FHIT: variants seen among roughly 807,000 people sequenced by gnomAD.
FHIT encodes bis(5'-adenosyl)-triphosphatase.
A neutral mutation model predicts 17.9 loss-of-function variants in FHIT; 19 were observed. The observed-to-expected ratio is 1.06, with a 90% CI of 0.74 to 1.56. The LOEUF is 1.56. Among genes scored for constraint, FHIT ranks in the 40% most tolerant of loss-of-function variants. FHIT has a pLI of 0.00. For missense variants in FHIT, 248 were observed against 189.2 expected (o/e 1.31, Z -1.82); for synonymous variants, 81 against 69.7 (o/e 1.16, Z -0.81).
At position 60,445,821 on chromosome 3, in the gene FHIT, G is replaced by C. The variant is rs188592393; in HGVS notation, c.103+91039C>G. ...AAAAAATCATCCATTTCTGTTTATA[G>C]CAAGACTCCCTGTTATCCCTCTACT... On this transcript the variant is annotated intron_variant, in intron 5 of 9. Transcript: ENST00000492590. 2.4e-3 allele frequency among the ~76,000 whole-genome samples: 369 copies of C among 151,234 alleles called. 2 individuals are homozygous for C. Among genetic ancestry groups the C allele is most frequent in the African/African-American group, 8.5e-3 (350 of 41,152 alleles).
intron 2 of FHIT, among the ~76,000 whole-genome samples, chr3:61,067,878 C>A (rs536832435): frequency 9.7e-4 from 147 of 152,272 alleles, no homozygotes; most frequent in African/African-American, 3.3e-3. Flanking sequence ...TGGCCATAAC[C>A]ACCTGCAACA....
At chr3:60,626,421 A>G (rs2039287667) in intron 4 of FHIT, among the ~76,000 whole-genome samples, 1 of 152,062 alleles carries the variant, frequency 6.6e-6, no homozygotes, top group Admixed American at 6.5e-5. Context: ...CAGAGTTTAT[A>G]TTTTTTGTTG....
intron 8 of FHIT, among the ~76,000 whole-genome samples, chr3:59,890,456 G>C (rs932496770): frequency 2.2e-4 from 33 of 152,304 alleles, no homozygotes; most frequent in African/African-American, 6.5e-4. Flanking sequence ...TCAAGGAAAG[G>C]CTGGGTTTAG....
chr3:60,911,664 G>C (rs1706753216), intron 3 of FHIT, among the ~76,000 whole-genome samples: 1 of 152,154 alleles, frequency 6.6e-6, no homozygotes, highest in Non-Finnish European at 1.5e-5. Context: ...AGCAAGTGAA[G>C]AGATGTCCTG....
chr3:60,786,939 G>A (rs755968163), intron 4 of FHIT, among the ~76,000 whole-genome samples: 3 of 150,428 alleles, frequency 2.0e-5, no homozygotes, highest in Admixed American at 6.6e-5. Context: ...AGAAGAAAGG[G>A]AGGAAGGCAA....
rs2036145161 is a variant in FHIT, at chr3:60,540,311, G to T, written c.-17-3332C>A. 2.6e-5 allele frequency among the ~76,000 whole-genome samples: 4 copies of T among 152,258 alleles called. No individual in the cohort carries two copies. In the Middle Eastern group the frequency reaches 0.01, roughly 388 times the overall value. Reference sequence around the variant, plus strand: ...TGCTGTGATAAACTGGTAAACTTAAGTATTTCCCTGAATTCTTTGAGTTGT... The same window carrying T: ...TGCTGTGATAAACTGGTAAACTTAATTATTTCCCTGAATTCTTTGAGTTGT... On this transcript the variant is annotated intron_variant, in intron 4 of 9. Coordinates refer to ENST00000492590, the MANE Select transcript of FHIT (RefSeq NM_002012.4).
intron 5 of FHIT, among the ~76,000 whole-genome samples, chr3:60,488,815 T>C (rs2033947774): frequency 6.6e-6 from 1 of 152,202 alleles, no homozygotes. Flanking sequence ...AAAGACCAGT[T>C]ATCTAACAGC....
chr3:60,263,146 A>G (rs1706388202), intron 5 of FHIT, among the ~76,000 whole-genome samples: 1 of 152,026 alleles, frequency 6.6e-6, no homozygotes, highest in Non-Finnish European at 1.5e-5. Context: ...CCCAAATGAG[A>G]TACTGCTACA....
chr3:60,046,921 C>T (rs769727612), intron 5 of FHIT, among the ~76,000 whole-genome samples: 1 of 152,284 alleles, frequency 6.6e-6, no homozygotes, highest in East Asian at 1.9e-4. Flanking sequence ...TACAAGATAA[C>T]AAAAAGTTAT....
chr3:60,338,573 T>C (rs1237016562), intron 5 of FHIT, among the ~76,000 whole-genome samples: 1 of 152,214 alleles, frequency 6.6e-6, no homozygotes, highest in Admixed American at 6.5e-5. Context: ...AAATCCTTTA[T>C]CACATGCTGC....
chr3:60,508,060 G>A (rs1340913734), intron 5 of FHIT, among the ~76,000 whole-genome samples: 3 of 152,140 alleles, frequency 2.0e-5, no homozygotes, highest in Admixed American at 2.0e-4. Context: ...TCATCAGTTT[G>A]TGTTTGATAA....
intron 3 of FHIT, among the ~76,000 whole-genome samples, chr3:60,868,542 A>C (rs1704262973): frequency 6.6e-6 from 1 of 152,184 alleles, no homozygotes; most frequent in African/African-American, 2.4e-5. Context: ...GCCCTTTCTC[A>C]TACAATCAGA....
Position 60,121,825 on chromosome 3 carries a change from A to G in FHIT, c.104-107673T>C, listed in dbSNP as rs578063022. On this transcript the variant is annotated intron_variant, in intron 5 of 9. Transcript: ENST00000492590. ...ATGTATGAAATAAACCTGTGATCCT[A>G]TCAGTCATATCCCTTCTCCAAGCCT... Among the ~76,000 whole-genome samples the G allele has an allele frequency of 5.9e-5, 9 of 152,078 alleles. No homozygotes were observed. In the South Asian group the frequency reaches 1.9e-3, roughly 32 times the overall value.
intron 5 of FHIT, among the ~76,000 whole-genome samples, chr3:60,487,543 T>G (rs1349900723): frequency 6.6e-6 from 1 of 152,154 alleles, no homozygotes; most frequent in South Asian, 2.1e-4. Context: ...AAAATGCAGA[T>G]CTTTGGTGCA....
At chr3:60,184,991 C>T (rs1702098385) in intron 5 of FHIT, among the ~76,000 whole-genome samples, 1 of 152,116 alleles carries the variant, frequency 6.6e-6, no homozygotes, top group Admixed American at 6.6e-5. Context: ...GTTTTCTGAG[C>T]ACTGTCTTAC....
chr3:60,885,460 T>C (rs1232949612), intron 3 of FHIT, among the ~76,000 whole-genome samples: 6 of 152,186 alleles, frequency 3.9e-5, no homozygotes, highest in Admixed American at 6.5e-5. Context: ...GAAAATCTTA[T>C]AAGAGAGTTT....
intron 2 of FHIT, among the ~76,000 whole-genome samples, chr3:61,100,626 G>A (rs951939183): frequency 3.3e-5 from 5 of 152,152 alleles, no homozygotes; most frequent in African/African-American, 1.2e-4. Flanking sequence ...GATAATTGAG[G>A]AATTGCCACA....
intron 4 of FHIT, among the ~76,000 whole-genome samples, chr3:60,727,764 G>C (rs1349619602): frequency 1.3e-5 from 2 of 152,210 alleles, no homozygotes; most frequent in African/African-American, 4.8e-5. Context: ...AGCACTTTCG[G>C]AGGCCGAGGC....
chr3:60,284,550 GTA>G (rs1259550257), intron 5 of FHIT, among the ~76,000 whole-genome samples: 1 of 151,946 alleles, frequency 6.6e-6, no homozygotes, highest in Non-Finnish European at 1.5e-5. Flanking sequence ...ATGAAACATG[GTA>G]CTGATAAGAT....
Sources: allele counts gnomAD v4.1 joint callset (sites outside exome capture counted in the v4.1 genomes callset), GRCh38; gene constraint gnomAD v4.1.1; transcripts MANE v1.5; gene names NCBI Gene and HGNC (gene_info 2026-07-23, HGNC 2026-07-21).